RBMS3: variants seen among roughly 807,000 people sequenced by gnomAD.
RBMS3 encodes RNA-binding motif, single-stranded-interacting protein 3.
A neutral mutation model predicts 66.8 loss-of-function variants in RBMS3; 27 were observed. The ratio of observed to expected loss-of-function variants is 0.40; its 90% confidence interval spans 0.30 to 0.56. RBMS3 has a LOEUF of 0.56. RBMS3 is among the 20% of genes least tolerant of loss of function. The pLI, the probability that RBMS3 is intolerant of heterozygous loss-of-function variation, is 0.40. For synonymous variants in RBMS3, 188 were observed against 183.0 expected (o/e 1.03, Z -0.22); for missense variants, 513 against 549.5 (o/e 0.93, Z 0.66).
intron 6 of RBMS3, among the ~76,000 whole-genome samples, chr3:29,775,420 G>A (rs1413750325): frequency 6.6e-6 from 1 of 151,914 alleles, no homozygotes; most frequent in African/African-American, 2.4e-5. Flanking sequence ...ATATGTGAAT[G>A]TTGTATTAAG....
chr3:29,718,093 C>G (rs60049620), intron 4 of RBMS3, among the ~76,000 whole-genome samples: 1 of 151,500 alleles, frequency 6.6e-6, no homozygotes, highest in Non-Finnish European at 1.5e-5. Flanking sequence ...TTAAAGGATC[C>G]CTTTTTCCTG....
At chr3:29,726,315 C>A (rs1576626951) in intron 4 of RBMS3, among the ~76,000 whole-genome samples, 1 of 152,244 alleles carries the variant, frequency 6.6e-6, no homozygotes, top group South Asian at 2.1e-4. Flanking sequence ...AGGATGCCCT[C>A]TCTCACCACT....
intron 1 of RBMS3, among the ~76,000 whole-genome samples, chr3:29,365,397 C>A (rs2037842389): frequency 6.6e-6 from 1 of 151,610 alleles, no homozygotes; most frequent in South Asian, 2.1e-4. Context: ...AACATTTTTC[C>A]ATCATTCATA....
chr3:29,979,266 CAG>C (rs1205223719), intron 12 of RBMS3, among the ~76,000 whole-genome samples: 1 of 152,176 alleles, frequency 6.6e-6, no homozygotes, highest in Non-Finnish European at 1.5e-5. Flanking sequence ...TTGCTTGACT[CAG>C]TGTTGCTCTG....
At chr3:29,968,554 C>T (rs1028806495) in intron 12 of RBMS3, among the ~76,000 whole-genome samples, 3 of 122,304 alleles carry the variant, frequency 2.5e-5, no homozygotes, top group African/African-American at 8.9e-5. Flanking sequence ...TCACTCAGCT[C>T]GGCTCTCTTA....
chr3:29,508,162 T>C (rs1294346868), intron 3 of RBMS3, among the ~76,000 whole-genome samples: 1 of 152,168 alleles, frequency 6.6e-6, no homozygotes, highest in Non-Finnish European at 1.5e-5. Context: ...AGAAATAGTG[T>C]ACATTTGTAT....
chr3:29,697,968 A>T (rs564558271), intron 4 of RBMS3, among the ~76,000 whole-genome samples: 3 of 152,362 alleles, frequency 2.0e-5, no homozygotes, highest in African/African-American at 7.2e-5. Context: ...TCATCTGCAG[A>T]TTCTACCAAC....
At chr3:29,991,233 C>T (rs772602330) in intron 14 of RBMS3, 24 bp downstream of exon 14, 21 of 1,613,606 alleles carry the variant, frequency 1.3e-5, no homozygotes, top group Middle Eastern at 1.6e-4. Flanking sequence ...GTGCTAAGCT[C>T]TTTTCCTCAA....
intron 6 of RBMS3, among the ~76,000 whole-genome samples, chr3:29,853,423 CTTTTTT>C (rs71091081): frequency 1.3e-4 from 11 of 84,544 alleles, no homozygotes; most frequent in Non-Finnish European, 2.3e-4. Flanking sequence ...AATTTACTTT[CTTTTTT>C]TTTTTTTTTT....
chr3:29,587,300 G>T lies in RBMS3; in HGVS notation c.399+95G>T, dbSNP rs545173702. ...TGTGAAAGAGAGAGAGAGAGATCAG[G>T]AGGAAGGAAGAAGGAGAGATTAAAT... On this transcript the variant is annotated intron_variant, in intron 4 of 14. Coordinates refer to ENST00000383767, the MANE Select transcript of RBMS3 (RefSeq NM_001003793.3). 33 of 700,298 alleles carry T rather than the reference G, an allele frequency of 4.7e-5. No individual in the cohort carries two copies. In the East Asian group the frequency reaches 1.0e-3, roughly 22 times the overall value. The allele number at this position is 700,298 out of a possible 1,614,324, so 43.4% of individuals were successfully genotyped here.
At chr3:29,413,236 G>T (rs1288280642) in intron 1 of RBMS3, among the ~76,000 whole-genome samples, 1 of 152,118 alleles carries the variant, frequency 6.6e-6, no homozygotes, top group Non-Finnish European at 1.5e-5. Context: ...TGGATGTGGT[G>T]GTGTGCACCT....
chr3:29,336,779 A>G (rs982075865), intron 1 of RBMS3, among the ~76,000 whole-genome samples: 23 of 152,308 alleles, frequency 1.5e-4, no homozygotes, highest in African/African-American at 5.5e-4. Flanking sequence ...TTGGTTAAAC[A>G]TTCCAACCCA....
At chr3:29,870,022 C>T (rs1279966947) in intron 7 of RBMS3, among the ~76,000 whole-genome samples, 1 of 152,092 alleles carries the variant, frequency 6.6e-6, no homozygotes, top group East Asian at 1.9e-4. Flanking sequence ...GGTCTCAAAA[C>T]CCCTCTTAAA....
chr3:29,461,920 A>ATTTTT (rs61115023), intron 2 of RBMS3, among the ~76,000 whole-genome samples: 11 of 93,294 alleles, frequency 1.2e-4, no homozygotes, highest in African/African-American at 1.6e-4. Context: ...TGCCCGGCTA[A>ATTTTT]TTTTTTTTTT....
intron 4 of RBMS3, among the ~76,000 whole-genome samples, chr3:29,727,738 A>G (rs902929687): frequency 2.0e-5 from 3 of 152,184 alleles, no homozygotes; most frequent in African/African-American, 7.2e-5. Context: ...GAAAAATAGG[A>G]ATGCTTTTAC....
intron 1 of RBMS3, among the ~76,000 whole-genome samples, chr3:29,388,434 T>G (rs2039115063): frequency 6.6e-6 from 1 of 152,214 alleles, no homozygotes; most frequent in South Asian, 2.1e-4. Context: ...TGACTGTTTA[T>G]CTTTTTTTAT....
chr3:29,702,704 A>G (rs1000395470), intron 4 of RBMS3, among the ~76,000 whole-genome samples: 4 of 152,090 alleles, frequency 2.6e-5, no homozygotes, highest in Non-Finnish European at 5.9e-5. Flanking sequence ...ACAACTCCAG[A>G]TGCACCGCCT....
intron 6 of RBMS3, among the ~76,000 whole-genome samples, chr3:29,837,692 ATATATATATATATATG>A (rs1415058169): frequency 8.9e-6 from 1 of 111,790 alleles, no homozygotes; most frequent in African/African-American, 3.8e-5. Context: ...ATATATATAT[ATATATATATATATATG>A]CTTATTAGCT....
At chr3:29,537,937 CT>C (rs2045634056) in intron 3 of RBMS3, among the ~76,000 whole-genome samples, 1 of 151,848 alleles carries the variant, frequency 6.6e-6, no homozygotes, top group South Asian at 2.1e-4. Flanking sequence ...ATACAATATA[CT>C]GGCAATATTT....
Sources: allele counts gnomAD v4.1 joint callset (sites outside exome capture counted in the v4.1 genomes callset), GRCh38; gene constraint gnomAD v4.1.1; transcripts MANE v1.5; gene names NCBI Gene and HGNC (gene_info 2026-07-23, HGNC 2026-07-21).